DDX56: variants seen among roughly 807,000 people sequenced by gnomAD.
DDX56 encodes the protein probable ATP-dependent RNA helicase DDX56.
DDX56 carries 45 observed loss-of-function variants against 61.5 expected under a neutral mutation model. That is an observed-to-expected ratio of 0.73 (90% CI 0.58 to 0.94). DDX56 has a LOEUF of 0.94. DDX56 is among the 40% of genes least tolerant of loss of function. The pLI, the probability that DDX56 is intolerant of heterozygous loss-of-function variation, is 0.00. For synonymous variants in DDX56, 273 were observed against 268.3 expected (o/e 1.02, Z -0.17); for missense variants, 708 against 690.7 (o/e 1.02, Z -0.28).
chr7:44,569,027 C>T lies in DDX56; in HGVS notation c.1294-35G>A, dbSNP rs377117026. 17 of 1,612,304 alleles carry T rather than the reference C, an allele frequency of 1.1e-5. No individual in the cohort carries two copies. In the South Asian group the frequency reaches 1.6e-4, roughly 16 times the overall value. On this transcript the variant is annotated intron_variant, in intron 10 of 13. Transcript: ENST00000258772. ...GACACTGAAGGTCAAGACAGTGAGG[C>T]TGCCCCAAATCCTCCCTTCACACCT...
In DDX56 at chr7:44,572,355, G is replaced by C; in HGVS notation, c.637C>G (p.His213Asp). ...TCCATGGTGCCTCTTACCGGGTTAT[G>C]TAATATCAGCTCCTTGAGTGCTTGT... Reference protein sequence around the residue: ...DVQALKELILHNPVTLKLQES... With the variant: ...DVQALKELILDNPVTLKLQES... The change falls in exon 5 of 14, where the codon CAT becomes GAT. Residue 213 changes from histidine (H) to aspartate (D), a missense_variant. Coordinates refer to ENST00000258772, the MANE Select transcript of DDX56 (RefSeq NM_019082.4). The C allele has an allele frequency of 6.2e-7, 1 of 1,613,818 alleles. No individual in the cohort carries two copies. The highest frequency in any genetic ancestry group is 1.3e-5 in the African/African-American group (1 of 75,038).
chr7:44,571,131 C>T (rs558671205), intron 6 of DDX56, among the ~76,000 whole-genome samples: 13 of 152,310 alleles, frequency 8.5e-5, no homozygotes, highest in Non-Finnish European at 1.2e-4. Flanking sequence ...CTCCACCTCC[C>T]GGGCTCAAGC....
intron 9 of DDX56, 37 bp downstream of exon 9, chr7:44,569,772 T>C: frequency 1.3e-6 from 2 of 1,551,500 alleles, no homozygotes; most frequent in Non-Finnish European, 1.8e-6. Context: ...GGAAGAAGCC[T>C]GACCCTGGCC....
intron 9 of DDX56, 159 bp downstream of exon 9, chr7:44,569,650 C>G (rs999751162): frequency 3.0e-6 from 2 of 677,590 alleles, no homozygotes; most frequent in East Asian, 5.4e-5. Flanking sequence ...GTTTATCTCT[C>G]AAGGGGGACA....
rs1017424221 is a variant in DDX56, at chr7:44,573,574, G to A, written c.222+9C>T. The A allele has an allele frequency of 3.1e-6, 5 of 1,612,120 alleles. No individual in the cohort carries two copies. The African/African-American group carries it at 6.7e-5, about 22-fold the overall frequency. On this transcript the variant is annotated intron_variant, in intron 2 of 13. Transcript: ENST00000258772. ...CCTCCTTCCTCCCCTCAGCTCTCTC[G>A]TTACCCACCGCCTTCCTATGGAGCA...
chr7:44,571,653 G>C lies in DDX56; in HGVS notation c.729C>G (p.Asp243Glu). The change falls in exon 6 of 14, where the codon GAC (aspartate) becomes GAG (glutamate). Residue 243 changes from aspartate to glutamate, a missense_variant. Transcript: ENST00000258772. Reference sequence around the variant, plus strand: ...GCAGGGCATACAGCAGGAGGAATTTGTCTTCCTCAGTCTCACAGACCACCT... The same window carrying C: ...GCAGGGCATACAGCAGGAGGAATTTCTCTTCCTCAGTCTCACAGACCACCT... ...QFQVVCETEE[D>E]KFLLLYALLK... 1 of 1,614,172 alleles carries C rather than the reference G, an allele frequency of 6.2e-7. No homozygotes were observed. The highest frequency in any genetic ancestry group is 1.1e-5 in the South Asian group (1 of 91,082).
At chr7:44,569,779 G>C in intron 9 of DDX56, 30 bp downstream of exon 9, 1 of 1,570,304 alleles carries the variant, frequency 6.4e-7, no homozygotes, top group Non-Finnish European at 8.7e-7. Flanking sequence ...GCCTGACCCT[G>C]GCCCAGGACC....
intron 4 of DDX56, 22 bp from the exon 5 acceptor site, chr7:44,572,459 A>G (rs1802701193): frequency 6.2e-7 from 1 of 1,613,752 alleles, no homozygotes; most frequent in Non-Finnish European, 8.5e-7. Context: ...GAATCCAATC[A>G]GATTCCAGCT....
rs1320856607 is a variant in DDX56 at position 44,569,221 on chromosome 7, G to A, written c.1220-18C>T. On this transcript the variant is annotated intron_variant, in intron 9 of 13. Coordinates refer to ENST00000258772, the MANE Select transcript of DDX56 (RefSeq NM_019082.4). ...CCTGTTCTCTGTGGAGAAGAAAGCAGCGAGGGTCCCACAGGCTGAGGCCTT... is the reference window on the plus strand; with the variant it reads ...CCTGTTCTCTGTGGAGAAGAAAGCAACGAGGGTCCCACAGGCTGAGGCCTT... 6.2e-7 allele frequency: 1 copy of A among 1,611,930 alleles called. No individual in the cohort carries two copies. Among genetic ancestry groups the A allele is most frequent in the Admixed American group, 1.7e-5 (1 of 59,992 alleles).
At chr7:44,571,404 TAA>T in intron 6 of DDX56, 86 bp downstream of exon 6, 1 of 1,517,402 alleles carries the variant, frequency 6.6e-7, no homozygotes, top group East Asian at 2.3e-5. Flanking sequence ...TGGCCCCTAC[TAA>T]GTGCTTAAGA....
chr7:44,571,389 G>C, intron 6 of DDX56, 103 bp downstream of exon 6: 4 of 1,390,110 alleles, frequency 2.9e-6, no homozygotes, highest in Non-Finnish European at 4.0e-6. Flanking sequence ...GTCACATCTA[G>C]AACCTGGCCC....
At chr7:44,568,681 C>G (rs984113096) in intron 11 of DDX56, among the ~76,000 whole-genome samples, 1 of 151,960 alleles carries the variant, frequency 6.6e-6, no homozygotes, top group Non-Finnish European at 1.5e-5. Context: ...GACACATGAG[C>G]TCGTAATTCT....
chr7:44,566,420 G>T (rs1367439954), intron 13 of DDX56, 28 bp downstream of exon 13: 4 of 1,532,572 alleles, frequency 2.6e-6, no homozygotes, highest in African/African-American at 1.4e-5. Flanking sequence ...GGAGTCCTGG[G>T]GCTGTCCGCA....
Position 44,569,624 on chromosome 7 carries a change from C to T in DDX56, c.1219+185G>A, listed in dbSNP as rs1453134791. 3 of 635,502 alleles carry T rather than the reference C, an allele frequency of 4.7e-6. No individual in the cohort carries two copies. In the Admixed American group the frequency reaches 8.7e-5, roughly 18 times the overall value. 39.4% of individuals were successfully genotyped at this position (635,502 alleles called of 1,614,324 possible). A position where few individuals can be genotyped will look rare whatever the true frequency, so the allele number is the denominator to read the frequency against. On this transcript the variant is annotated intron_variant, in intron 9 of 13. Transcript: ENST00000258772. ...GGCAGACAGTAAACACAACTTTGGACAAATTACCTCAATTTGTTTATCTCT... is the reference window on the plus strand; with the variant it reads ...GGCAGACAGTAAACACAACTTTGGATAAATTACCTCAATTTGTTTATCTCT...
At chr7:44,569,593 T>A (rs1157257148) in intron 9 of DDX56, among the ~76,000 whole-genome samples, 2 of 152,104 alleles carry the variant, frequency 1.3e-5, no homozygotes, top group Non-Finnish European at 2.9e-5. Context: ...CACTCAACGC[T>A]CATGAGGCAG....
chr7:44,569,193 G>T lies in DDX56; in HGVS notation c.1230C>A (p.Gly410=), dbSNP rs776148179. 1 of 1,613,858 alleles carries T rather than the reference G, an allele frequency of 6.2e-7. No homozygotes were observed. The highest frequency in any genetic ancestry group is 1.3e-5 in the African/African-American group (1 of 75,066). ...GGAACTGGTAGGGGAGCAGAATGGG[G>T]CCCCTGTTCTCTGTGGAGAAGAAAG... is the stretch of plus-strand genomic sequence containing the variant. ...IEELLSGENR[G]PILLPYQFRM... The change falls in exon 10 of 14, where the codon GGC becomes GGA. Residue 410 remains glycine, a synonymous_variant. Transcript: ENST00000258772.
chr7:44,568,836 G>C (rs1280791907), intron 11 of DDX56, 67 bp downstream of exon 11: 2 of 1,354,894 alleles, frequency 1.5e-6, no homozygotes, highest in Non-Finnish European at 2.1e-6. Context: ...ACCACTCGGA[G>C]CTCAGCCAGT....
At chr7:44,570,628 C>G in intron 7 of DDX56, 130 bp downstream of exon 7, 1 of 1,272,980 alleles carries the variant, frequency 7.9e-7, no homozygotes, top group Admixed American at 2.3e-5. Flanking sequence ...CTGTGGGGCT[C>G]TCTGGGCTAC....
At chr7:44,569,968 C>A in intron 8 of DDX56, 47 bp downstream of exon 8, 1 of 1,613,306 alleles carries the variant, frequency 6.2e-7, no homozygotes, top group South Asian at 1.1e-5. Flanking sequence ...CACCCCAAGT[C>A]CCTCAGTGTG....
Sources: gnomAD v4.1 joint callset for allele counts (sites outside exome capture counted in the v4.1 genomes callset) on GRCh38, gnomAD v4.1.1 for gene constraint, MANE v1.5 for transcripts, NCBI Gene and HGNC (gene_info 2026-07-23, HGNC 2026-07-21) for gene names.